HERC1: variants seen among roughly 807,000 people sequenced by gnomAD.
The protein encoded by HERC1 is HECT and RLD domain containing E3 ubiquitin protein ligase family member 1.
A neutral mutation model predicts 554.3 loss-of-function variants in HERC1; 160 were observed. The ratio of observed to expected loss-of-function variants is 0.29; its 90% CI spans 0.25 to 0.33. The LOEUF (loss-of-function observed/expected upper bound fraction) is 0.33. Ranked by LOEUF, HERC1 falls within the 10% of genes least tolerant of loss-of-function variation. HERC1 has a pLI of 1.00. For synonymous variants in HERC1, 2,175 were observed against 2,131.7 expected, an observed-to-expected ratio of 1.02 and a Z score of -0.56; for missense variants, 4,919 against 5,918.5, an observed-to-expected ratio of 0.83 and a Z score of 5.54.
At chr15:63,625,196 A>G (rs768313610) in intron 71 of HERC1, among the ~76,000 whole-genome samples, 36 of 152,206 alleles carry the variant, frequency 2.4e-4, no homozygotes, top group Non-Finnish European at 3.8e-4. Context: ...AGATAGACAA[A>G]TCAGCAAAAT....
chr15:63,831,995 A>G (rs2078171348), intron 1 of HERC1, among the ~76,000 whole-genome samples: 1 of 152,220 alleles, frequency 6.6e-6, no homozygotes, highest in Admixed American at 6.5e-5. Flanking sequence ...TAGGGAACGC[A>G]AAATTCATAA....
intron 2 of HERC1, among the ~76,000 whole-genome samples, chr15:63,768,819 T>G (rs17773778): frequency 0.23 from 34,512 of 152,088 alleles, 4,871 homozygotes; most frequent in Middle Eastern, 0.35. Context: ...CCCACAACAT[T>G]TAGAGCTGTT....
intron 1 of HERC1, among the ~76,000 whole-genome samples, chr15:63,794,724 T>C (rs2076758799): frequency 1.3e-5 from 2 of 152,112 alleles, no homozygotes; most frequent in East Asian, 1.9e-4. Flanking sequence ...TCTTTCATCT[T>C]AGAACAGCTA....
chr15:63,755,181 C>T, intron 6 of HERC1, 48 bp downstream of exon 6: 1 of 1,294,526 alleles, frequency 7.7e-7, no homozygotes, highest in African/African-American at 1.5e-5. Context: ...GTAACTTAAT[C>T]ATTTCTAATT....
intron 2 of HERC1, 138 bp from the exon 3 acceptor site, chr15:63,764,329 AT>A: frequency 1.6e-6 from 1 of 613,510 alleles, no homozygotes; most frequent in Admixed American, 2.7e-5. Context: ...AAATCCTAAC[AT>A]TAGGTCATGA....
intron 23 of HERC1, 128 bp downstream of exon 23, chr15:63,713,225 A>G: frequency 1.3e-6 from 1 of 799,100 alleles, no homozygotes; most frequent in Non-Finnish European, 2.0e-6. Flanking sequence ...ATCCTAGTCA[A>G]TTTGCATTTC....
chr15:63,662,883 TTTAGA>T (rs1366006127), intron 44 of HERC1, 96 bp downstream of exon 44: 22 of 835,854 alleles, frequency 2.6e-5, no homozygotes, highest in Non-Finnish European at 4.0e-5. Flanking sequence ...TAAAAGACTT[TTTAGA>T]GTGTTTCAAC....
chr15:63,763,439 G>C (rs993994562), intron 3 of HERC1, among the ~76,000 whole-genome samples: 2 of 152,094 alleles, frequency 1.3e-5, no homozygotes, highest in Non-Finnish European at 2.9e-5. Flanking sequence ...ATAAGGAACT[G>C]CATCATGAGT....
chr15:63,755,323 T>A lies in HERC1; in HGVS notation c.1536A>T (p.Val512=). ...KLIQGPLQGK[V]VVCVSAGYRH... Reference sequence around the variant, plus strand: ...TGTATCCAGCTGACACACAAACAACTACCTGCATTGCACACAAGTAAATAC... The same window carrying A: ...TGTATCCAGCTGACACACAAACAACAACCTGCATTGCACACAAGTAAATAC... Residue 512 remains valine (V), a splice_region_variant and synonymous_variant, in exon 6 of 78, where the codon GTA becomes GTT. Coordinates refer to ENST00000443617, the MANE Select transcript of HERC1 (RefSeq NM_003922.4). 6.2e-7 allele frequency: 1 copy of A among 1,610,964 alleles called. No homozygotes were observed. The highest frequency in any genetic ancestry group is 1.1e-5 in the South Asian group (1 of 91,010).
intron 26 of HERC1, among the ~76,000 whole-genome samples, chr15:63,697,431 A>G (rs1240562671): frequency 2.7e-5 from 4 of 150,526 alleles, no homozygotes. Flanking sequence ...ATGACTTAAT[A>G]CAGGTGATGT....
chr15:63,624,323 C>T lies in HERC1; in HGVS notation c.13280G>A (p.Ser4427Asn). 1 of 1,598,528 alleles carries T rather than the reference C, an allele frequency of 6.3e-7. No individual in the cohort carries two copies. Among genetic ancestry groups the T allele is most frequent in the Non-Finnish European group, 8.5e-7 (1 of 1,170,900 alleles). ...AGTTCCAGCATTATAATGGGATGTG[C>T]TGTTCTGTAACAGAAGGTACGGTTA... Reference protein sequence around the residue: ...LLNLSPNNQNSTSHYNAGTWG... With the variant: ...LLNLSPNNQNNTSHYNAGTWG... Residue 4427 changes from serine to asparagine, a missense_variant, in exon 72 of 78, where the codon AGC becomes AAC. Ser to Asn is a conservative substitution (Grantham distance 46). Coordinates refer to ENST00000443617, the MANE Select transcript of HERC1 (RefSeq NM_003922.4).
chr15:63,626,075 G>C lies in HERC1; in HGVS notation c.13185C>G (p.His4395Gln), dbSNP rs1202073513. Reference sequence around the variant, plus strand: ...GCAGCCGGAGCCTGGCCCGCACCGTGTGAATGCTGACTTCTCTCAGCGCCC... The same window carrying C: ...GCAGCCGGAGCCTGGCCCGCACCGTCTGAATGCTGACTTCTCTCAGCGCCC... ...QYGALREVSI[H>Q]TVRARLRLLY... The change falls in exon 71 of 78, where the codon CAC becomes CAG. Residue 4395 changes from histidine (H) to glutamine (Q), a missense_variant. His to Gln is a conservative substitution (Grantham distance 24, BLOSUM62 0). Around this residue, in one of 11 missense-constraint regions of HERC1, gnomAD observed 410 missense variants for 467.0 expected, o/e 0.88. Coordinates refer to ENST00000443617, the MANE Select transcript of HERC1 (RefSeq NM_003922.4). The C allele has an allele frequency of 5.6e-6, 9 of 1,613,734 alleles. No homozygotes were observed. The highest frequency in any genetic ancestry group is 5.9e-6 in the Non-Finnish European group (7 of 1,179,780).
chr15:63,805,273 C>G (rs1055582214), intron 1 of HERC1, among the ~76,000 whole-genome samples: 1 of 152,122 alleles, frequency 6.6e-6, no homozygotes, highest in Non-Finnish European at 1.5e-5. Flanking sequence ...ATTCAAACAA[C>G]ACAATGGTTA....
At chr15:63,801,968 C>T (rs1312771297) in intron 1 of HERC1, among the ~76,000 whole-genome samples, 7 of 152,244 alleles carry the variant, frequency 4.6e-5, no homozygotes, top group Non-Finnish European at 7.3e-5. Context: ...ATCTCTAACA[C>T]ATCATGTTTA....
At chr15:63,670,806 G>C (rs150504709) in intron 39 of HERC1, among the ~76,000 whole-genome samples, 23 of 152,224 alleles carry the variant, frequency 1.5e-4, no homozygotes, top group African/African-American at 5.5e-4. Context: ...TGTAATACCA[G>C]CATACTTTGG....
chr15:63,689,825 G>A (rs1454766387), intron 32 of HERC1, 126 bp from the exon 33 acceptor site: 1 of 545,178 alleles, frequency 1.8e-6, no homozygotes, highest in East Asian at 3.0e-5. Context: ...GTGTTCAACA[G>A]CTACTTTTAG....
intron 39 of HERC1, among the ~76,000 whole-genome samples, chr15:63,671,388 G>C (rs551720165): frequency 6.8e-6 from 1 of 146,810 alleles, no homozygotes; most frequent in South Asian, 2.2e-4. Context: ...AAAAAAAAAA[G>C]TGAGAGAGAA....
Position 63,808,644 on chromosome 15 carries a change from T to C in HERC1, c.-27+25183A>G, listed in dbSNP as rs532184964. Among the ~76,000 whole-genome samples the C allele has an allele frequency of 5.3e-5, 8 of 152,318 alleles. 1 individual carries two copies. The highest frequency in any genetic ancestry group is 1.9e-4 in the African/African-American group (8 of 41,550). On this transcript the variant is annotated intron_variant, in intron 1 of 77. Coordinates refer to ENST00000443617, the MANE Select transcript of HERC1 (RefSeq NM_003922.4). ...GGAAAAAAAAGAGTAAAGTAAGTTA[T>C]CCACTTGTCAAGTTCAACAGTCTGT...
intron 12 of HERC1, among the ~76,000 whole-genome samples, chr15:63,746,465 C>A (rs990703059): frequency 6.6e-6 from 1 of 151,904 alleles, no homozygotes; most frequent in Non-Finnish European, 1.5e-5. Flanking sequence ...TTATTTATAA[C>A]CAGTATTCTA....
Sources: gnomAD v4.1 joint callset for allele counts (sites outside exome capture counted in the v4.1 genomes callset) on GRCh38, gnomAD v4.1.1 for gene constraint, gnomAD v4.1.1 regional missense constraint, MANE v1.5 for transcripts, NCBI Gene and HGNC (gene_info 2026-07-23, HGNC 2026-07-21) for gene names.